NLGN1: variants seen among roughly 807,000 people sequenced by gnomAD.
NLGN1 encodes neuroligin-1.
Under a neutral mutation model 65.5 loss-of-function variants are expected in NLGN1, and 12 were observed. The ratio of observed to expected loss-of-function variants is 0.18; its 90% CI spans 0.12 to 0.30. The LOEUF is 0.30. Ranked by LOEUF, NLGN1 falls within the 10% of genes least tolerant of loss-of-function variation. The pLI, the probability that NLGN1 is intolerant of heterozygous loss-of-function variation, is 1.00. For synonymous variants in NLGN1, 350 were observed against 359.5 expected (o/e 0.97, Z 0.30); for missense variants, 750 against 1,007.1 (o/e 0.74, Z 3.46).
At chr3:173,524,368 A>T (rs1735283118) in intron 2 of NLGN1, among the ~76,000 whole-genome samples, 1 of 152,054 alleles carries the variant, frequency 6.6e-6, no homozygotes, top group Admixed American at 6.6e-5. Flanking sequence ...CTCAGCCTGG[A>T]CATTATTGTT....
intron 4 of NLGN1, among the ~76,000 whole-genome samples, chr3:174,104,626 G>T (rs1713312563): frequency 6.6e-6 from 1 of 152,088 alleles, no homozygotes; most frequent in Admixed American, 6.6e-5. Context: ...GAATTATAGT[G>T]GTACAGAAAA....
chr3:173,744,483 A>G (rs1775075593), intron 3 of NLGN1, among the ~76,000 whole-genome samples: 1 of 152,136 alleles, frequency 6.6e-6, no homozygotes, highest in Non-Finnish European at 1.5e-5. Flanking sequence ...CAGGTGCTGC[A>G]GAAAGGAGGG....
chr3:173,649,050 T>G (rs1266305684), intron 3 of NLGN1, among the ~76,000 whole-genome samples: 1 of 152,162 alleles, frequency 6.6e-6, no homozygotes, highest in Non-Finnish European at 1.5e-5. Context: ...GAAATAAGCA[T>G]AAAATGGAAT....
At chr3:174,186,953 T>G (rs1233217920) in intron 4 of NLGN1, among the ~76,000 whole-genome samples, 1 of 135,540 alleles carries the variant, frequency 7.4e-6, no homozygotes, top group Non-Finnish European at 1.6e-5. Flanking sequence ...GATACTACAT[T>G]GCCATGATGC....
intron 2 of NLGN1, among the ~76,000 whole-genome samples, chr3:173,471,627 T>C (rs1197720605): frequency 1.3e-5 from 2 of 152,140 alleles, no homozygotes; most frequent in Non-Finnish European, 2.9e-5. Flanking sequence ...GGTTAGGATA[T>C]TGACATATGA....
At chr3:174,214,193 G>A (rs575747414) in intron 4 of NLGN1, among the ~76,000 whole-genome samples, 1 of 152,232 alleles carries the variant, frequency 6.6e-6, no homozygotes, top group South Asian at 2.1e-4. Context: ...ACAAATCAGA[G>A]AGTATCAGAA....
intron 3 of NLGN1, among the ~76,000 whole-genome samples, chr3:173,667,872 C>T (rs2149719176): frequency 6.6e-6 from 1 of 152,268 alleles, no homozygotes; most frequent in Admixed American, 6.5e-5. Context: ...ACCTCATGAT[C>T]CGCTTGTCTT....
chr3:173,777,631 GTCTATCTA>G (rs747269015), intron 3 of NLGN1, among the ~76,000 whole-genome samples: 5,588 of 35,622 alleles, frequency 0.16, 242 homozygotes, highest in African/African-American at 0.28. Flanking sequence ...CTGTCTGTCT[GTCTATCTA>G]TCTATCTATC....
chr3:174,274,370 A>T (rs1404609264), intron 4 of NLGN1, among the ~76,000 whole-genome samples: 1 of 151,892 alleles, frequency 6.6e-6, no homozygotes, highest in African/African-American at 2.4e-5. Flanking sequence ...GCTAAGTAAT[A>T]TGTTTGACTC....
At chr3:174,289,055 G>T, downstream of NLGN1, among the ~76,000 whole-genome samples, 1 of 151,358 alleles carries the variant, frequency 6.6e-6, no homozygotes, top group East Asian at 1.9e-4. Flanking sequence ...AATCAACAAA[G>T]ATGATAAACT....
intron 3 of NLGN1, among the ~76,000 whole-genome samples, chr3:173,765,727 T>C (rs1156396441): frequency 2.0e-5 from 3 of 152,208 alleles, no homozygotes; most frequent in African/African-American, 7.2e-5. Context: ...CAAGCTTATA[T>C]TATACGGTAA....
intron 4 of NLGN1, chr3:174,136,347 A>G (rs939404286): frequency 1.3e-5 from 2 of 152,176 alleles, no homozygotes; most frequent in Non-Finnish European, 2.9e-5. Flanking sequence ...GCCTGTTTCC[A>G]TGACCCTATC....
chr3:174,069,535 C>A (rs1394286852), intron 4 of NLGN1, among the ~76,000 whole-genome samples: 7 of 152,158 alleles, frequency 4.6e-5, no homozygotes, highest in Non-Finnish European at 1.0e-4. Flanking sequence ...TTTATATAAA[C>A]CTATGTTATC....
intron 2 of NLGN1, among the ~76,000 whole-genome samples, chr3:173,485,100 C>A (rs73038175): frequency 0.034 from 4,404 of 128,822 alleles, 239 homozygotes; most frequent in African/African-American, 0.12. Flanking sequence ...TCATACCTTA[C>A]TTGGATGGCA....
intron 4 of NLGN1, among the ~76,000 whole-genome samples, chr3:174,086,284 A>AAT (rs368979535): frequency 3.4e-4 from 2 of 5,808 alleles, no homozygotes; most frequent in African/African-American, 1.1e-3. Context: ...TATGTGCATA[A>AAT]ATATATATAT....
rs917963550 is a variant in NLGN1 at position 174,108,075 on chromosome 3, T to G, written c.647-167240T>G. On this transcript the variant is annotated intron_variant, in intron 4 of 6. Transcript: ENST00000457714. ...CGTTAAGTATGAAGTTTACAGATTT[T>G]TCTTTCTATAGCTTGTCTTTTGATC... Among the ~76,000 whole-genome samples, 15 of 152,148 alleles carry G rather than the reference T, an allele frequency of 9.9e-5. No individual in the cohort carries two copies. In the East Asian group the frequency reaches 2.5e-3, roughly 25 times the overall value.
At chr3:173,848,310 C>A (rs1218284655) in intron 4 of NLGN1, among the ~76,000 whole-genome samples, 4 of 152,152 alleles carry the variant, frequency 2.6e-5, no homozygotes, top group Non-Finnish European at 5.9e-5. Context: ...GTGTTATAAT[C>A]TCTGACAGAC....
At chr3:173,500,173 A>G (rs1285506483) in intron 2 of NLGN1, among the ~76,000 whole-genome samples, 2 of 152,136 alleles carry the variant, frequency 1.3e-5, no homozygotes, top group Non-Finnish European at 1.5e-5. Context: ...ATTCATTATG[A>G]TACTGGCTGT....
intron 3 of NLGN1, among the ~76,000 whole-genome samples, chr3:173,753,018 T>C (rs1180224126): frequency 2.0e-5 from 3 of 152,132 alleles, no homozygotes; most frequent in Non-Finnish European, 4.4e-5. Context: ...TGCCAACTCA[T>C]GGACATTGTT....
Sources: gnomAD v4.1 joint callset for allele counts (sites outside exome capture counted in the v4.1 genomes callset) on GRCh38, gnomAD v4.1.1 for gene constraint, MANE v1.5 for transcripts, NCBI Gene and HGNC (gene_info 2026-07-23, HGNC 2026-07-21) for gene names.